Variants in IL23R observed in about 807,000 individuals in gnomAD.
The protein encoded by IL23R is interleukin 23 receptor.
A neutral mutation model predicts 56.9 loss-of-function variants in IL23R; 34 were observed. That is an observed-to-expected ratio of 0.60 (90% CI 0.45 to 0.80). IL23R has a LOEUF of 0.80. IL23R is among the 30% of genes least tolerant of loss of function. The probability of loss-of-function intolerance (pLI) is 0.00; values close to 1 mark genes in which losing one functional copy is unlikely to be tolerated. For missense variants in IL23R, 635 were observed against 730.0 expected, an observed-to-expected ratio of 0.87 and a Z score of 1.50; for synonymous variants, 230 against 249.2, an observed-to-expected ratio of 0.92 and a Z score of 0.73.
chr1:67,237,009 C>A (rs1651520966), intron 8 of IL23R, among the ~76,000 whole-genome samples: 1 of 152,040 alleles, frequency 6.6e-6, no homozygotes, highest in Non-Finnish European at 1.5e-5. Flanking sequence ...CCGGCTTTTG[C>A]AATAGATTGT....
intron 5 of IL23R, among the ~76,000 whole-genome samples, chr1:67,203,629 C>A (rs558038668): frequency 1.2e-4 from 19 of 152,154 alleles, no homozygotes; most frequent in Non-Finnish European, 1.3e-4. Context: ...CCCCAGCCAA[C>A]AAAACCACCA....
chr1:67,201,566 CAAAA>C (rs941049759), intron 5 of IL23R, among the ~76,000 whole-genome samples: 12 of 139,296 alleles, frequency 8.6e-5, no homozygotes, highest in Admixed American at 1.4e-4. Flanking sequence ...AAAAAAAAAA[CAAAA>C]AAACACTATG....
At chr1:67,228,826 C>A (rs748482342) in intron 7 of IL23R, among the ~76,000 whole-genome samples, 5 of 152,170 alleles carry the variant, frequency 3.3e-5, no homozygotes, top group Non-Finnish European at 7.3e-5. Context: ...TCTCAACCTT[C>A]TCCCTTCTGC....
chr1:67,142,175 T>C (rs547446982), intron 1 of IL23R, among the ~76,000 whole-genome samples: 4 of 152,122 alleles, frequency 2.6e-5, no homozygotes, highest in Non-Finnish European at 5.9e-5. Flanking sequence ...TTTTCTTACA[T>C]ACAACTGAGT....
At chr1:67,178,612 C>T (rs1406065509) in intron 3 of IL23R, among the ~76,000 whole-genome samples, 1 of 152,164 alleles carries the variant, frequency 6.6e-6, no homozygotes, top group Non-Finnish European at 1.5e-5. Flanking sequence ...CCCTTTATTT[C>T]CTTCACCTGC....
chr1:67,164,847 C>T (rs558003913), upstream of IL23R, among the ~76,000 whole-genome samples: 20 of 151,266 alleles, frequency 1.3e-4, no homozygotes, highest in Admixed American at 7.2e-4. Flanking sequence ...TCAAGGAAGA[C>T]GGATAAATGG....
chr1:67,200,640 C>G, intron 4 of IL23R, 97 bp from the exon 5 acceptor site: 1 of 1,267,864 alleles, frequency 7.9e-7, no homozygotes, highest in Non-Finnish European at 1.1e-6. Flanking sequence ...CCCGCTTGGT[C>G]TCCCAAAATG....
rs1653087895 is a variant in IL23R at position 67,258,735 on chromosome 1, C to A, written c.1497C>A (p.Ser499Arg). Residue 499 changes from serine (S) to arginine (R), a missense_variant, in exon 11 of 11, where the codon AGC (serine) becomes AGA (arginine). Transcript: ENST00000347310. ...TTCTGCCTGAGGGAAGCCATCTCAG[C>A]AATAATAATGAAATTACTTCCTTAA... ...SNFLPEGSHL[S>R]NNNEITSLTL... The A allele has an allele frequency of 1.2e-6, 2 of 1,613,282 alleles. No homozygotes were observed. The highest frequency in any genetic ancestry group is 1.7e-6 in the Non-Finnish European group (2 of 1,179,662).
At chr1:67,251,894 GCTAA>G (rs1652651762) in intron 9 of IL23R, among the ~76,000 whole-genome samples, 1 of 152,300 alleles carries the variant, frequency 6.6e-6, no homozygotes, top group African/African-American at 2.4e-5. Context: ...AATTTTTAGA[GCTAA>G]CTGTGACATG....
rs958031161 is a variant in IL23R at position 67,186,900 on chromosome 1, C to T, written c.491+3941C>T. Among the ~76,000 whole-genome samples, 4 of 152,314 alleles carry T rather than the reference C, an allele frequency of 2.6e-5. No individual in the cohort carries two copies. The East Asian group carries it at 7.7e-4, about 29-fold the overall frequency. ...CCTCCCAAAGTGCTAGGATTACAGGCATAAGCCAACGCGCCTGGCCCTTTA... is the reference window on the plus strand; with the variant it reads ...CCTCCCAAAGTGCTAGGATTACAGGTATAAGCCAACGCGCCTGGCCCTTTA... On this transcript the variant is annotated intron_variant, in intron 4 of 10. Coordinates refer to ENST00000347310, the MANE Select transcript of IL23R (RefSeq NM_144701.3).
At chr1:67,167,943 C>T (rs1646893233) in intron 1 of IL23R, 149 bp from the exon 2 acceptor site, 4 of 572,838 alleles carry the variant, frequency 7.0e-6, no homozygotes, top group South Asian at 2.3e-5. Context: ...TGCTCTGTTT[C>T]CTTCCTTCCT....
chr1:67,155,272 G>T (rs975105723), intron 1 of IL23R, among the ~76,000 whole-genome samples: 2 of 152,072 alleles, frequency 1.3e-5, no homozygotes, highest in African/African-American at 4.8e-5. Context: ...TGTGTTTGGG[G>T]ATTGATCTTC....
chr1:67,177,335 T>C (rs1171324264), intron 3 of IL23R, among the ~76,000 whole-genome samples: 3 of 152,326 alleles, frequency 2.0e-5, no homozygotes, highest in East Asian at 3.8e-4. Flanking sequence ...TGGTATCTCA[T>C]TGTGGTTTTG....
chr1:67,150,880 G>A (rs1646722876), intron 1 of IL23R, among the ~76,000 whole-genome samples: 1 of 152,136 alleles, frequency 6.6e-6, no homozygotes, highest in Admixed American at 6.5e-5. Flanking sequence ...TTGGTTCCAT[G>A]TTTTGCTGTT....
chr1:67,210,029 G>A (rs1202273816), intron 6 of IL23R, among the ~76,000 whole-genome samples: 1 of 152,162 alleles, frequency 6.6e-6, no homozygotes, highest in Non-Finnish European at 1.5e-5. Flanking sequence ...GGAGAACTAA[G>A]ATGTATGAAT....
At chr1:67,255,083 A>G (rs1316701742) in intron 9 of IL23R, among the ~76,000 whole-genome samples, 1 of 152,230 alleles carries the variant, frequency 6.6e-6, no homozygotes, top group Admixed American at 6.5e-5. Context: ...TAGACTCAGA[A>G]CAGCCTAAAT....
At chr1:67,183,147 C>A (rs1461836656) in intron 4 of IL23R, among the ~76,000 whole-genome samples, 188 bp downstream of exon 4, 1 of 152,228 alleles carries the variant, frequency 6.6e-6, no homozygotes, top group Non-Finnish European at 1.5e-5. Flanking sequence ...TTCACTCTGG[C>A]AGGCAAAGTG....
chr1:67,257,646 C>T (rs1653023609), intron 10 of IL23R, among the ~76,000 whole-genome samples: 1 of 152,182 alleles, frequency 6.6e-6, no homozygotes, highest in Non-Finnish European at 1.5e-5. Context: ...CTAAAACCTT[C>T]ACCCACCCTC....
chr1:67,171,228 T>C (rs909818365), intron 3 of IL23R, among the ~76,000 whole-genome samples: 14 of 152,202 alleles, frequency 9.2e-5, no homozygotes, highest in Admixed American at 3.3e-4. Flanking sequence ...AAAAGCTTAG[T>C]TGTTAATTTA....
Sources: gnomAD v4.1 joint callset for allele counts (sites outside exome capture counted in the v4.1 genomes callset) on GRCh38, gnomAD v4.1.1 for gene constraint, MANE v1.5 for transcripts, NCBI Gene and HGNC (gene_info 2026-07-23, HGNC 2026-07-21) for gene names.